The following NPAS3 variants were observed in gnomAD, a reference collection of about 807,000 sequenced individuals.
NPAS3 encodes the protein neuronal PAS domain-containing protein 3.
A neutral mutation model predicts 73.1 loss-of-function variants in NPAS3; 14 were observed. That is an observed-to-expected ratio of 0.19 (90% CI 0.13 to 0.30). The LOEUF is 0.30. NPAS3 is among the 10% of genes least tolerant of loss of function. The pLI is 1.00. For synonymous variants in NPAS3, 620 were observed against 541.5 expected (o/e 1.14, Z -2.01); for missense variants, 1,096 against 1,250.0 (o/e 0.88, Z 1.86).
exon 8 of NPAS3, chr14:33,774,432 T>C (rs764733488): frequency 4.3e-6 from 7 of 1,614,084 alleles, no homozygotes; most frequent in South Asian, 2.2e-5. Flanking sequence ...TTGTTGCGCA[T>C]GCCTTGCCTC....
At chr14:33,203,771 C>T (rs1021390435) in intron 2 of NPAS3, among the ~76,000 whole-genome samples, 34 of 152,036 alleles carry the variant, frequency 2.2e-4, no homozygotes, top group Non-Finnish European at 2.2e-4. Flanking sequence ...TGAATAATGC[C>T]GCAATAAACA....
chr14:33,431,849 T>TA (rs148412416), intron 4 of NPAS3, among the ~76,000 whole-genome samples: 4,262 of 152,106 alleles, frequency 0.028, 210 homozygotes, highest in African/African-American at 0.096. Context: ...CTTACTCTAT[T>TA]AAAAAAATAT....
intron 7 of NPAS3, among the ~76,000 whole-genome samples, chr14:33,738,799 T>A (rs770734780): frequency 2.6e-5 from 4 of 152,226 alleles, no homozygotes; most frequent in Non-Finnish European, 5.9e-5. Context: ...TCACATAGCA[T>A]AGCACAGCTC....
intron 7 of NPAS3, among the ~76,000 whole-genome samples, chr14:33,770,397 A>C (rs1456499774): frequency 1.3e-5 from 2 of 152,178 alleles, no homozygotes; most frequent in Admixed American, 6.5e-5. Flanking sequence ...AACCAGGATC[A>C]AAACCCCCTT....
intron 3 of NPAS3, among the ~76,000 whole-genome samples, chr14:33,283,933 G>A (rs974469128): frequency 1.3e-5 from 2 of 152,032 alleles, no homozygotes; most frequent in Admixed American, 6.6e-5. Flanking sequence ...TCAGAATTGT[G>A]GCCTCCTCCT....
intron 8 of NPAS3, among the ~76,000 whole-genome samples, chr14:33,774,903 A>G (rs2062765069): frequency 6.6e-6 from 1 of 152,186 alleles, no homozygotes; most frequent in Non-Finnish European, 1.5e-5. Flanking sequence ...GCCTGGCCTC[A>G]TGGTGGTCAG....
At chr14:33,032,535 T>C (rs2040029669) in intron 1 of NPAS3, among the ~76,000 whole-genome samples, 1 of 152,182 alleles carries the variant, frequency 6.6e-6, no homozygotes, top group African/African-American at 2.4e-5. Context: ...GCTCCAAGGC[T>C]TTCTCTGACT....
At chr14:33,355,339 C>T (rs890290541) in intron 3 of NPAS3, among the ~76,000 whole-genome samples, 3 of 152,076 alleles carry the variant, frequency 2.0e-5, no homozygotes, top group East Asian at 1.9e-4. Context: ...CTTGCTCTGT[C>T]GCCCAGGCTG....
intron 2 of NPAS3, among the ~76,000 whole-genome samples, chr14:33,075,390 T>G (rs1030370506): frequency 3.3e-5 from 5 of 152,240 alleles, no homozygotes; most frequent in African/African-American, 1.2e-4. Flanking sequence ...TTTTGCAATT[T>G]ATATTTTATT....
chr14:33,408,394 G>T (rs1302179179), intron 4 of NPAS3, among the ~76,000 whole-genome samples: 5 of 151,796 alleles, frequency 3.3e-5, no homozygotes, highest in African/African-American at 1.2e-4. Context: ...CCTCACATTT[G>T]TTCTCTCTCA....
chr14:33,739,734 C>T (rs2061609653), intron 7 of NPAS3, among the ~76,000 whole-genome samples: 1 of 152,136 alleles, frequency 6.6e-6, no homozygotes. Flanking sequence ...TTGCAGGTTA[C>T]AAAACCCTAT....
At position 33,383,154 on chromosome 14, in the gene NPAS3, T is replaced by G. The variant is rs2138480650; in HGVS notation, c.468+15886T>G. On this transcript the variant is annotated intron_variant, in intron 4 of 11. Coordinates refer to ENST00000356141, the Ensembl canonical transcript of NPAS3. ...ACATGCATGCACCCATGTGTGCTTT[T>G]TTGTGAAAAAATTTCAAAATGGTTT... is the stretch of plus-strand genomic sequence containing the variant. 1.3e-5 allele frequency among the ~76,000 whole-genome samples: 2 copies of G among 152,270 alleles called. 1 individual carries two copies. The highest frequency in any genetic ancestry group is 4.2e-4 in the South Asian group (2 of 4,814).
intron 5 of NPAS3, among the ~76,000 whole-genome samples, chr14:33,591,831 A>AAGAGGAAGAATATCCACAAGG (rs1477494867): frequency 3.9e-5 from 6 of 152,196 alleles, no homozygotes; most frequent in Non-Finnish European, 8.8e-5. Context: ...TGTGACTGCC[A>AAGAGGAAGAATATCCACAAGG]AGAGGAAGAA....
intron 6 of NPAS3, among the ~76,000 whole-genome samples, chr14:33,722,926 G>T (rs2061157328): frequency 6.6e-6 from 1 of 151,988 alleles, no homozygotes. Flanking sequence ...AATCCTAGCT[G>T]CCCAGTCAAA....
Position 33,574,633 on chromosome 14 carries a change from G to A in NPAS3, c.558+14423G>A, listed in dbSNP as rs575199988. ...AAAAGTAGTTTGAGGGAGAGAAAGT[G>A]TTGATGGATCTCATTTTGAAGCTGA... On this transcript the variant is annotated intron_variant, in intron 5 of 11. Coordinates refer to ENST00000356141, the Ensembl canonical transcript of NPAS3. 7.2e-5 allele frequency among the ~76,000 whole-genome samples: 11 copies of A among 152,226 alleles called. No individual in the cohort carries two copies. The South Asian group carries it at 2.1e-3, about 29-fold the overall frequency.
intron 2 of NPAS3, among the ~76,000 whole-genome samples, chr14:33,165,050 G>A (rs2045072466): frequency 6.6e-6 from 1 of 152,082 alleles, no homozygotes; most frequent in Non-Finnish European, 1.5e-5. Flanking sequence ...GACAAGTTTA[G>A]CAGAGTGTAA....
At chr14:33,041,284 A>G (rs550176880) in intron 1 of NPAS3, among the ~76,000 whole-genome samples, 1 of 152,340 alleles carries the variant, frequency 6.6e-6, no homozygotes, top group African/African-American at 2.4e-5. Context: ...TGAAATGTTT[A>G]TAAGTACATG....
upstream of NPAS3, among the ~76,000 whole-genome samples, chr14:32,937,055 AT>A (rs1294626023): frequency 5.4e-5 from 8 of 149,344 alleles, no homozygotes; most frequent in East Asian, 1.2e-3. Flanking sequence ...GCCTTCTTTG[AT>A]TTTGTTACTA....
intron 3 of NPAS3, among the ~76,000 whole-genome samples, chr14:33,317,096 C>G (rs1042376219): frequency 6.6e-6 from 1 of 152,030 alleles, no homozygotes; most frequent in African/African-American, 2.4e-5. Flanking sequence ...GGAAGCCAAA[C>G]AGGTTACAGT....
Sources: gnomAD v4.1 joint callset for allele counts (sites outside exome capture counted in the v4.1 genomes callset) on GRCh38, gnomAD v4.1.1 for gene constraint, MANE v1.5 for transcripts, NCBI Gene and HGNC (gene_info 2026-07-23, HGNC 2026-07-21) for gene names.